CDH18: variants seen among roughly 807,000 people sequenced by gnomAD.
CDH18 encodes the protein cadherin-18.
In CDH18, 31 loss-of-function variants were observed where a neutral mutation model predicts 67.9. That is an observed-to-expected ratio of 0.46 (90% CI 0.34 to 0.62). The LOEUF (loss-of-function observed/expected upper bound fraction) is 0.62, where lower values mean the gene tolerates loss of function less well. Among genes scored for constraint, CDH18 ranks in the 20% least tolerant of loss-of-function variants. The pLI, the probability that CDH18 is intolerant of heterozygous loss-of-function variation, is 0.01. For synonymous variants in CDH18, 362 were observed against 347.2 expected, an observed-to-expected ratio of 1.04 and a Z score of -0.48; for missense variants, 890 against 975.5, an observed-to-expected ratio of 0.91 and a Z score of 1.17.
At chr5:19,708,583 G>A (rs1410882387) in intron 5 of CDH18, among the ~76,000 whole-genome samples, 1 of 152,144 alleles carries the variant, frequency 6.6e-6, no homozygotes, top group Non-Finnish European at 1.5e-5. Flanking sequence ...GAAGATTGTT[G>A]GTTTACCAGA....
intron 3 of CDH18, among the ~76,000 whole-genome samples, chr5:19,751,467 T>C (rs543758424): frequency 6.6e-6 from 1 of 152,330 alleles, no homozygotes; most frequent in African/African-American, 2.4e-5. Context: ...AATTCCACTA[T>C]GATTGATCAT....
chr5:20,369,276 GA>G (rs141158894), intron 1 of CDH18, among the ~76,000 whole-genome samples: 2 of 151,164 alleles, frequency 1.3e-5, no homozygotes, highest in East Asian at 1.9e-4. Flanking sequence ...CAGGAAATAA[GA>G]AAAAAAAGAG....
intron 3 of CDH18, among the ~76,000 whole-genome samples, chr5:19,800,940 G>A (rs1777396761): frequency 6.6e-6 from 1 of 152,118 alleles, no homozygotes; most frequent in Non-Finnish European, 1.5e-5. Flanking sequence ...GCAACACGGT[G>A]AAGCCCAGTC....
At chr5:20,409,573 TTAAA>T (rs1010983870) in intron 1 of CDH18, among the ~76,000 whole-genome samples, 4 of 151,542 alleles carry the variant, frequency 2.6e-5, no homozygotes, top group Non-Finnish European at 5.9e-5. Flanking sequence ...AATAAAGATC[TTAAA>T]TAAACAACCT....
At chr5:19,949,081 T>A (rs543763457) in intron 2 of CDH18, among the ~76,000 whole-genome samples, 1 of 152,112 alleles carries the variant, frequency 6.6e-6, no homozygotes, top group South Asian at 2.1e-4. Context: ...CAGCTACACA[T>A]GTGGAATCAA....
In CDH18 at chr5:20,569,004, G is replaced by C. The variant is rs6890491; in HGVS notation, c.-580+6458C>G. Among the ~76,000 whole-genome samples the C allele has an allele frequency of 7.1e-3, 1,075 of 152,210 alleles. 8 individuals carry two copies. The highest frequency in any genetic ancestry group is 0.011 in the Non-Finnish European group (758 of 68,014). On this transcript the variant is annotated intron_variant, in intron 1 of 14. Coordinates refer to the CDH18 transcript ENST00000507958. ...TATCTAATCATATTCACTGCATAAT[G>C]CACCCATATTCATCTCTAACACTTT...
intron 5 of CDH18, among the ~76,000 whole-genome samples, chr5:19,650,407 C>T (rs1032773516): frequency 1.3e-4 from 19 of 151,974 alleles, no homozygotes; most frequent in African/African-American, 4.1e-4. Context: ...TTTTTAAATT[C>T]GTATTGTAGA....
chr5:19,679,978 C>A (rs1053538107), intron 5 of CDH18, among the ~76,000 whole-genome samples: 6 of 151,880 alleles, frequency 4.0e-5, no homozygotes, highest in Non-Finnish European at 7.4e-5. Context: ...GCCCAAATAA[C>A]CAAAGCAATC....
chr5:19,483,304 G>C lies in CDH18; in HGVS notation c.1879C>G (p.Leu627Val). The C allele has an allele frequency of 6.2e-7, 1 of 1,612,122 alleles. No homozygotes were observed. The highest frequency in any genetic ancestry group is 8.5e-7 in the Non-Finnish European group (1 of 1,178,956). Residue 627 changes from leucine to valine, a missense_variant, in exon 12 of 13, where the codon CTG (leucine) becomes GTG (valine). Leu to Val is a conservative substitution (Grantham distance 32). This residue lies in a region of CDH18 where 656 missense variants were observed against 668.1 expected (regional missense o/e 0.98). Transcript: ENST00000382275. ...CTTAGGGTTTAGAATGACTTACCCA[G>C]GAGAATGAGAACACAGAGAAGAATA... ...IAILLCVLIL[L>V]AIVVLFITLR...
At chr5:20,012,078 T>G (rs1411851025) in intron 2 of CDH18, among the ~76,000 whole-genome samples, 1 of 152,000 alleles carries the variant, frequency 6.6e-6, no homozygotes, top group Non-Finnish European at 1.5e-5. Context: ...TGGGCTTTTT[T>G]TTTGTTTGGA....
At chr5:20,441,964 G>T (rs77569030) in intron 1 of CDH18, among the ~76,000 whole-genome samples, 2,744 of 151,954 alleles carry the variant, frequency 0.018, 90 homozygotes, top group African/African-American at 0.046. Flanking sequence ...AACAGAAATG[G>T]TCAGGCAAAA....
At chr5:20,160,793 G>GA (rs1751911863) in intron 2 of CDH18, among the ~76,000 whole-genome samples, 1 of 152,176 alleles carries the variant, frequency 6.6e-6, no homozygotes, top group Admixed American at 6.5e-5. Flanking sequence ...ACAAACTGAT[G>GA]AAAAAATTGT....
chr5:19,525,222 T>C (rs1747573912), intron 9 of CDH18, among the ~76,000 whole-genome samples: 1 of 152,202 alleles, frequency 6.6e-6, no homozygotes, highest in Admixed American at 6.5e-5. Context: ...ACCTCTGCCT[T>C]GTTGCAGCTT....
intron 2 of CDH18, among the ~76,000 whole-genome samples, chr5:19,974,050 G>C (rs1320322167): frequency 1.3e-5 from 2 of 152,016 alleles, no homozygotes; most frequent in Non-Finnish European, 2.9e-5. Context: ...GAACCAGTAG[G>C]GTGGTAGCAA....
rs541612054 is a variant in CDH18, at chr5:20,351,187, T to C, written c.-579-95682A>G. ...GTGTGTGTGTGTGTGTGTGTGTGTG[T>C]GTGTGCGTGTGTGTTATTGCTTATT... is the stretch of plus-strand genomic sequence containing the variant. On this transcript the variant is annotated intron_variant, in intron 1 of 14. Coordinates refer to the CDH18 transcript ENST00000507958. Among the ~76,000 whole-genome samples the C allele has an allele frequency of 2.7e-3, 392 of 144,556 alleles. 1 individual carries two copies. The highest frequency in any genetic ancestry group is 9.0e-3 in the African/African-American group (363 of 40,488). 94.8% of individuals were successfully genotyped at this position (144,556 alleles called of 152,430 possible). A position where few individuals can be genotyped will look rare whatever the true frequency, so the allele number is the denominator to read the frequency against.
At chr5:20,261,324 C>T (rs1391067232) in intron 1 of CDH18, among the ~76,000 whole-genome samples, 14 of 152,082 alleles carry the variant, frequency 9.2e-5, no homozygotes, top group Non-Finnish European at 2.1e-4. Flanking sequence ...AAAAATAGAG[C>T]ACTTACAAAT....
chr5:19,775,232 T>C (rs562478198), intron 3 of CDH18, among the ~76,000 whole-genome samples: 37 of 152,224 alleles, frequency 2.4e-4, no homozygotes, highest in African/African-American at 8.9e-4. Flanking sequence ...GCTACCAACA[T>C]TGGAGAAAGA....
chr5:19,635,912 T>C (rs1281464015), intron 5 of CDH18, among the ~76,000 whole-genome samples: 2 of 152,138 alleles, frequency 1.3e-5, no homozygotes, highest in Non-Finnish European at 2.9e-5. Context: ...TTCCTGTTAA[T>C]TTTTCTTCAA....
chr5:20,229,670 T>C (rs1368334021), intron 2 of CDH18, among the ~76,000 whole-genome samples: 1 of 152,154 alleles, frequency 6.6e-6, no homozygotes, highest in Admixed American at 6.5e-5. Context: ...TACTAATAGT[T>C]TTAATTAAAA....
Sources: gnomAD v4.1 joint callset for allele counts (sites outside exome capture counted in the v4.1 genomes callset) on GRCh38, gnomAD v4.1.1 for gene constraint, gnomAD v4.1.1 regional missense constraint, MANE v1.5 for transcripts, NCBI Gene and HGNC (gene_info 2026-07-23, HGNC 2026-07-21) for gene names.